The following TTN variants were observed in gnomAD, a reference collection of about 807,000 sequenced individuals.
TTN encodes titin.
Under a neutral mutation model 3,223.0 loss-of-function variants are expected in TTN, and 1,525 were observed. That is an observed-to-expected ratio of 0.47 (90% CI 0.45 to 0.49). TTN has a LOEUF of 0.49. TTN is among the 20% of genes least tolerant of loss of function. The pLI is 0.00. For synonymous variants in TTN, 14,094 were observed against 15,161.0 expected (o/e 0.93, Z 5.17); for missense variants, 40,786 against 43,424.0 (o/e 0.94, Z 5.40).
At chr2:178,635,868 G>A in intron 226 of TTN, 95 bp downstream of exon 226, 2 of 1,517,222 alleles carry the variant, frequency 1.3e-6, no homozygotes, top group East Asian at 4.6e-5. Flanking sequence ...TTAGGTACAA[G>A]ATTTCTGATA....
At chr2:178,678,342 G>A (rs972355566) in intron 144 of TTN, 72 bp downstream of exon 144, 1 of 1,500,452 alleles carries the variant, frequency 6.7e-7, no homozygotes, top group African/African-American at 1.4e-5. Context: ...AATGTAATGG[G>A]GAAATTTGTA....
In TTN at chr2:178,568,512, T is replaced by C; in HGVS notation, c.77620A>G (p.Asn25874Asp). Residue 25874 changes from asparagine (N) to aspartate (D), a missense_variant, in exon 326 of 363, where the codon AAT (asparagine) becomes GAT (aspartate). Coordinates refer to ENST00000589042, the MANE Select transcript of TTN (RefSeq NM_001267550.2). ...DGGQYGITVANVVGQKTASIE... is the reference protein window; with the variant it reads ...DGGQYGITVADVVGQKTASIE... ...GATGCTGTCTTCTGACCAACAACATTGGCAACTGTGATTCCATATTGTCCA... is the reference window on the plus strand; with the variant it reads ...GATGCTGTCTTCTGACCAACAACATCGGCAACTGTGATTCCATATTGTCCA... 1 of 1,613,458 alleles carries C rather than the reference T, an allele frequency of 6.2e-7. No homozygotes were observed. Among genetic ancestry groups the C allele is most frequent in the East Asian group, 2.2e-5 (1 of 44,796 alleles).
chr2:178,684,762 C>G lies in TTN; in HGVS notation c.32555-13G>C, dbSNP rs2070395647. On this transcript the variant is annotated splice_polypyrimidine_tract_variant and intron_variant, in intron 130 of 362. Transcript: ENST00000589042. ...GGCTCTTCTGGCACTTAAAAGATAC[C>G]AGGCAATACCATCAAACATACGATA... The G allele has an allele frequency of 6.2e-7, 1 of 1,610,894 alleles. No individual in the cohort carries two copies. The highest frequency in any genetic ancestry group is 1.1e-5 in the South Asian group (1 of 90,420).
rs758750534 is a variant in TTN, at chr2:178,575,051, T to C, written c.71081A>G (p.Asn23694Ser). Residue 23694 changes from asparagine (N) to serine (S), a missense_variant, in exon 326 of 363, where the codon AAT becomes AGT. By Grantham distance (46) the Asn-to-Ser change is conservative (BLOSUM62 1). Coordinates refer to ENST00000589042, the MANE Select transcript of TTN (RefSeq NM_001267550.2). This position sits in a 1 kb window ranked among gnomAD's most constrained non-coding sequence, Gnocchi z 4.0. ...TTATSTILNI[N>S]ECVRSDSGPY... ...CCCACTATCACTTCTGACACACTCA[T>C]TGATATTTAAAATGGTTGAAGTCGC... 1.9e-6 allele frequency: 3 copies of C among 1,613,462 alleles called. No homozygotes were observed. Among genetic ancestry groups the C allele is most frequent in the South Asian group, 1.1e-5 (1 of 91,074 alleles).
rs576630131 is a variant in TTN at position 178,770,692 on chromosome 2, G to T, written c.8117-17C>A. 6.2e-7 allele frequency: 1 copy of T among 1,606,710 alleles called. No individual in the cohort carries two copies. The highest frequency in any genetic ancestry group is 1.3e-5 in the African/African-American group (1 of 74,972). On this transcript the variant is annotated splice_polypyrimidine_tract_variant and intron_variant, in intron 34 of 362. Transcript: ENST00000589042. ...TTTTGACAGCTAAAGACAAATTTAT[G>T]ATTGGGTTAGAAAATATAGATGACA...
chr2:178,640,680 G>T, intron 220 of TTN, 50 bp from the exon 221 acceptor site: 1 of 1,396,120 alleles, frequency 7.2e-7, no homozygotes. Context: ...TATTTAGGAA[G>T]CACCTCATCT....
chr2:178,676,098 C>A lies in TTN; in HGVS notation c.34379-103G>T, dbSNP rs889981451. On this transcript the variant is annotated intron_variant, in intron 147 of 362. Transcript: ENST00000589042. The stretch of plus-strand genomic sequence containing the variant: ...AAAGACCAATGTGTTAACAGTCGCT[C>A]AAGACAGGTCTGTCATGTTAGTTGG... 9.5e-6 allele frequency: 10 copies of A among 1,047,328 alleles called. No homozygotes were observed. The African/African-American group carries it at 1.6e-4, about 17-fold the overall frequency. The allele number at this position is 1,047,328 out of a possible 1,614,324, so 64.9% of individuals were successfully genotyped here.
In TTN at chr2:178,527,569, C is replaced by T. The variant is rs1553477669; in HGVS notation, c.107557G>A (p.Ala35853Thr). ...TCTTGCATGGAGGACATGCTTTGGG[C>T]AGACATGCTTGCAAATTTCATCTCA... ...MTEMKFASMS[A>T]QSMSSMQESF... Residue 35853 changes from alanine (A) to threonine (T), a missense_variant, in exon 362 of 363, where the codon GCC (alanine) becomes ACC (threonine). Ala to Thr is a moderately conservative substitution (Grantham distance 58). Coordinates refer to ENST00000589042, the MANE Select transcript of TTN (RefSeq NM_001267550.2). 2.5e-6 allele frequency: 4 copies of T among 1,614,018 alleles called. No individual in the cohort carries two copies. The highest frequency in any genetic ancestry group is 3.4e-6 in the Non-Finnish European group (4 of 1,179,888).
intron 47 of TTN, chr2:178,744,944 A>T (rs974082502): frequency 3.2e-5 from 32 of 985,404 alleles, no homozygotes; most frequent in Non-Finnish European, 3.7e-5. Flanking sequence ...AGTGAGAATT[A>T]AAGCACTTAT....
rs185377719 is a variant in TTN at position 178,761,357 on chromosome 2, A to T, written c.10115-2185T>A. Among the ~76,000 whole-genome samples, 88 of 152,270 alleles carry T rather than the reference A, an allele frequency of 5.8e-4. 1 individual carries two copies. In the East Asian group the frequency reaches 0.011, roughly 19 times the overall value. On this transcript the variant is annotated intron_variant, in intron 43 of 362. Coordinates refer to ENST00000589042, the MANE Select transcript of TTN (RefSeq NM_001267550.2). ...AATCCTGCAGTGTCTCCTAAATGTA[A>T]ACAAGATCAATTCCAAAATCTTCAG...
chr2:178,530,406 T>C lies in TTN; in HGVS notation c.106209A>G (p.Thr35403=). 3.1e-6 allele frequency: 5 copies of C among 1,614,038 alleles called. No individual in the cohort carries two copies. Among genetic ancestry groups the C allele is most frequent in the Non-Finnish European group, 3.4e-6 (4 of 1,179,882 alleles). Residue 35403 remains threonine (T), a synonymous_variant, in exon 358 of 363, where the codon ACA becomes ACG. Coordinates refer to ENST00000589042, the MANE Select transcript of TTN (RefSeq NM_001267550.2). ...CTTTTGGTTCAGTTTTTCTGGTTAC[T>C]GTTGACTCAGTGGTTTTCTGATCTG... ...KKSDQKTTES[T]VTRKTEPKAP...
At chr2:178,750,281 T>C (rs1249448774) in intron 47 of TTN, 1 of 1,613,336 alleles carries the variant, frequency 6.2e-7, no homozygotes. Flanking sequence ...TGCTTTGACA[T>C]CATGTTTTTG....
In TTN at chr2:178,632,762, C is replaced by G; in HGVS notation, c.43244G>C (p.Ser14415Thr). The G allele has an allele frequency of 6.2e-7, 1 of 1,613,040 alleles. No homozygotes were observed. Among genetic ancestry groups the G allele is most frequent in the South Asian group, 1.1e-5 (1 of 91,052 alleles). Residue 14415 changes from serine to threonine, a missense_variant, in exon 235 of 363, where the codon AGT becomes ACT. Coordinates refer to ENST00000589042, the MANE Select transcript of TTN (RefSeq NM_001267550.2). ...ATCTTTCTCGAAGACTTTAACATCA[C>G]TGAGAGGTGTGATGAAGATAAGAGG... ...ELPLIFITPL[S>T]DVKVFEKDEA... is the part of the protein sequence containing the mutation.
rs202243651 is a variant in TTN at position 178,543,715 on chromosome 2, T to A, written c.96311-53A>T. 2,344 of 1,520,312 alleles carry A rather than the reference T, an allele frequency of 1.5e-3. 52 individuals carry two copies. The South Asian group carries it at 0.026, about 17-fold the overall frequency. 94.2% of individuals were successfully genotyped at this position (1,520,312 alleles called of 1,614,324 possible). On this transcript the variant is annotated intron_variant, in intron 346 of 362. Transcript: ENST00000589042. The stretch of plus-strand genomic sequence containing the variant: ...TTCCTATTTGCCTGATAGCTTTTTT[T>A]TTCTTGGGGAAATATAATCAACATA...
rs1476312387 is a variant in TTN, at chr2:178,530,255, T to G, written c.106360A>C (p.Thr35454Pro). ...GAACTGGTTACCTTTCCATCTTTTGTCCAGATGGCAGTTGGCCGGGGTTCT... is the reference window on the plus strand; with the variant it reads ...GAACTGGTTACCTTTCCATCTTTTGGCCAGATGGCAGTTGGCCGGGGTTCT... The part of the protein sequence containing the change: ...TGEPRPTAIW[T>P]KDGKAITQGG... Residue 35454 changes from threonine (T) to proline (P), a missense_variant, in exon 358 of 363, where the codon ACA (threonine) becomes CCA (proline). Physicochemically the swap from Thr to Pro is conservative, Grantham distance 38. Transcript: ENST00000589042. 1 of 1,602,500 alleles carries G rather than the reference T, an allele frequency of 6.2e-7. No homozygotes were observed. The highest frequency in any genetic ancestry group is 8.5e-7 in the Non-Finnish European group (1 of 1,173,778).
At position 178,719,400 on chromosome 2, in the gene TTN, A is replaced by T. The variant is rs776368998; in HGVS notation, c.23990T>A (p.Ile7997Asn). Reference protein sequence around the residue: ...FIRKLKDVNAILGASVVLECR... With the variant: ...FIRKLKDVNANLGASVVLECR... ...CTCCAAAACAACTGAGGCCCCCAGG[A>T]TGGCATTCACGTCTTTCAGCTTGCG... The change falls in exon 83 of 363, where the codon ATC becomes AAC. Residue 7997 changes from isoleucine (I) to asparagine (N), a missense_variant. Ile to Asn is a moderately radical substitution (Grantham distance 149, BLOSUM62 -3). Transcript: ENST00000589042. 28 of 1,613,644 alleles carry T rather than the reference A, an allele frequency of 1.7e-5. No individual in the cohort carries two copies. Among genetic ancestry groups the T allele is most frequent in the Non-Finnish European group, 2.4e-5 (28 of 1,179,644 alleles).
rs777874876 is a variant in TTN at position 178,778,951 on chromosome 2, C to T, written c.4131G>A (p.Gly1377=). ...SNIKGNAICS[G]KLYVEPAAPL... is the part of the protein sequence containing the mutation. ...GTGCAGCAGGCTCCACATACAATTT[C>T]CCTGAGCAAATTGCATTTCCTTTAA... Residue 1377 remains glycine, a synonymous_variant, in exon 24 of 363, where the codon GGG becomes GGA. Transcript: ENST00000589042. 7 of 1,613,978 alleles carry T rather than the reference C, an allele frequency of 4.3e-6. 1 individual carries two copies. The African/African-American group carries it at 8.0e-5, about 18-fold the overall frequency.
In TTN at chr2:178,539,256, A is replaced by G. The variant is rs1575351781; in HGVS notation, c.98684-5T>C. On this transcript the variant is annotated splice_region_variant and splice_polypyrimidine_tract_variant and intron_variant, in intron 352 of 362. Coordinates refer to ENST00000589042, the MANE Select transcript of TTN (RefSeq NM_001267550.2). ...TGCTTGGAGGTTCTGGAGGATCTGT[A>G]AATATAAGTGGAAAGCACACATGTA... 2 of 1,612,156 alleles carry G rather than the reference A, an allele frequency of 1.2e-6. No individual in the cohort carries two copies. The highest frequency in any genetic ancestry group is 4.5e-5 in the East Asian group (2 of 44,824).
intron 149 of TTN, 60 bp from the exon 150 acceptor site, chr2:178,675,173 C>A: frequency 8.6e-7 from 1 of 1,162,584 alleles, no homozygotes; most frequent in Non-Finnish European, 1.2e-6. Flanking sequence ...AGAATAAAGA[C>A]CACGTTTCCA....
Sources: allele counts gnomAD v4.1 joint callset (sites outside exome capture counted in the v4.1 genomes callset), GRCh38; gene constraint gnomAD v4.1.1; non-coding constraint Gnocchi (gnomAD v3.1); transcripts MANE v1.5; gene names NCBI Gene and HGNC (gene_info 2026-07-23, HGNC 2026-07-21).